Variants in SYCP2 observed in about 807,000 individuals in gnomAD.
SYCP2 encodes the protein synaptonemal complex lateral element protein.
Under a neutral mutation model 211.3 loss-of-function variants are expected in SYCP2, and 55 were observed. That is an observed-to-expected ratio of 0.26 (90% CI 0.21 to 0.33). The LOEUF (loss-of-function observed/expected upper bound fraction) is 0.33, where lower values mean the gene tolerates loss of function less well. SYCP2 is among the 10% of genes least tolerant of loss of function. The pLI is 1.00. For synonymous variants in SYCP2, 570 were observed against 555.2 expected, an observed-to-expected ratio of 1.03 and a Z score of -0.37; for missense variants, 1,731 against 1,752.0, an observed-to-expected ratio of 0.99 and a Z score of 0.21.
intron 20 of SYCP2, among the ~76,000 whole-genome samples, chr20:59,894,970 C>T (rs2059979143): frequency 6.6e-6 from 1 of 152,082 alleles, no homozygotes; most frequent in African/African-American, 2.4e-5. Context: ...TCTTCACCCT[C>T]ACCTCTAGCT....
intron 33 of SYCP2, among the ~76,000 whole-genome samples, chr20:59,876,361 CTG>C (rs1343905224): frequency 3.2e-5 from 2 of 63,470 alleles, no homozygotes; most frequent in African/African-American, 1.1e-4. Flanking sequence ...CAAAGCGAGG[CTG>C]TGTCTCAAAA....
chr20:59,922,269 G>T, intron 3 of SYCP2, 121 bp downstream of exon 3: 2 of 849,436 alleles, frequency 2.4e-6, no homozygotes, highest in Non-Finnish European at 3.6e-6. Context: ...AACTATTCTT[G>T]ACCATTTCAT....
intron 2 of SYCP2, among the ~76,000 whole-genome samples, chr20:59,925,204 C>T (rs965903326): frequency 6.6e-6 from 1 of 152,030 alleles, no homozygotes; most frequent in African/African-American, 2.4e-5. Flanking sequence ...ACAACACACA[C>T]TGGTGCCTGG....
chr20:59,868,651 G>C, intron 37 of SYCP2, 83 bp from the exon 38 acceptor site: 1 of 1,424,920 alleles, frequency 7.0e-7, no homozygotes, highest in East Asian at 2.4e-5. Flanking sequence ...TTTTAAAAAG[G>C]CTTTGTTTCC....
intron 44 of SYCP2, 112 bp downstream of exon 44, chr20:59,865,254 TAAAAGTAATTGGGCTAAAACTA>T: frequency 1.5e-6 from 1 of 668,320 alleles, no homozygotes; most frequent in South Asian, 2.1e-5. Flanking sequence ...TTTAAAGAAC[TAAAAGTAATTGGGCTAAAACTA>T]TTTTCTCTCA....
intron 4 of SYCP2, 47 bp from the exon 5 acceptor site, chr20:59,920,534 A>G (rs1318212900): frequency 7.0e-6 from 10 of 1,423,556 alleles, no homozygotes; most frequent in Non-Finnish European, 9.8e-6. Flanking sequence ...ACAAAACAGT[A>G]TGAAATAGAC....
rs747573136 is a variant in SYCP2, at chr20:59,869,762, G to C, written c.3741+36C>G. 6 of 1,346,366 alleles carry C rather than the reference G, an allele frequency of 4.5e-6. No individual in the cohort carries two copies. In the Admixed American group the frequency reaches 7.3e-5, roughly 16 times the overall value. The allele number at this position is 1,346,366 out of a possible 1,614,324, so 83.4% of individuals were successfully genotyped here. ...TGAGTCTTATAAGAACCATCTTAGTGTAAGGAAAATTTATAAGTTATAGTC... is the reference window on the plus strand; with the variant it reads ...TGAGTCTTATAAGAACCATCTTAGTCTAAGGAAAATTTATAAGTTATAGTC... On this transcript the variant is annotated intron_variant, in intron 36 of 44. Transcript: ENST00000357552.
intron 31 of SYCP2, among the ~76,000 whole-genome samples, chr20:59,879,258 G>A (rs951346488): frequency 1.3e-4 from 20 of 151,906 alleles, no homozygotes; most frequent in African/African-American, 3.4e-4. Flanking sequence ...CTTCAATACT[G>A]CATTCCCTGA....
In SYCP2 at chr20:59,867,821, T is replaced by C. The variant is rs1467510597; in HGVS notation, c.4015A>G (p.Thr1339Ala). 1.2e-6 allele frequency: 2 copies of C among 1,608,592 alleles called. No homozygotes were observed. The highest frequency in any genetic ancestry group is 1.7e-6 in the Non-Finnish European group (2 of 1,176,452). ...KMSESVSSLS[T>A]NDFSIPWETW... ...TCCCAAGGAATAGAAAAGTCATTTG[T>C]TGATAATGAAGATACACTTTCAGAC... The change falls in exon 39 of 45, where the codon ACA becomes GCA. Residue 1339 changes from threonine to alanine, a missense_variant. By Grantham distance (58) the Thr-to-Ala change is moderately conservative. Coordinates refer to ENST00000357552, the MANE Select transcript of SYCP2 (RefSeq NM_014258.4).
intron 26 of SYCP2, among the ~76,000 whole-genome samples, chr20:59,883,210 A>G (rs1474529330): frequency 6.6e-6 from 1 of 151,988 alleles, no homozygotes; most frequent in Non-Finnish European, 1.5e-5. Context: ...TTAGCTGAGC[A>G]TGGTGGCATG....
chr20:59,904,287 G>A (rs1476559420), intron 15 of SYCP2, among the ~76,000 whole-genome samples: 1 of 152,048 alleles, frequency 6.6e-6, no homozygotes, highest in Non-Finnish European at 1.5e-5. Flanking sequence ...CAAAATATCT[G>A]CCAGATTTTG....
chr20:59,909,407 T>G (rs575315320), intron 14 of SYCP2, among the ~76,000 whole-genome samples: 1 of 152,326 alleles, frequency 6.6e-6, no homozygotes, highest in East Asian at 1.9e-4. Flanking sequence ...TGCCCATCGT[T>G]ATATCTCAAA....
At chr20:59,866,225 T>A in intron 41 of SYCP2, 68 bp downstream of exon 41, 1 of 1,052,620 alleles carries the variant, frequency 9.5e-7, no homozygotes, top group Non-Finnish European at 1.4e-6. Context: ...AAAAAGAAAG[T>A]TTTTCCAAGT....
rs1380887720 is a variant in SYCP2, at chr20:59,911,736, C to A, written c.972+14G>T. The A allele has an allele frequency of 2.2e-6, 3 of 1,385,360 alleles. No homozygotes were observed. Among genetic ancestry groups the A allele is most frequent in the South Asian group, 1.3e-5 (1 of 74,192 alleles). The allele number at this position is 1,385,360 out of a possible 1,614,324, so 85.8% of individuals were successfully genotyped here. A position where few individuals can be genotyped will look rare whatever the true frequency, so the allele number is the denominator to read the frequency against. ...CATATACATAAAGAATAATACCAAC[C>A]AAATTAAACTTACATCATTATCTCC... On this transcript the variant is annotated intron_variant, in intron 14 of 44. Transcript: ENST00000357552.
chr20:59,864,120 G>A lies in SYCP2; in HGVS notation c.*191C>T, dbSNP rs368794678. ...AATATTGTATAGACAGAAGTCTTCTGGGCTTGGACTCATGTTATAGTGGTT... is the reference window on the plus strand; with the variant it reads ...AATATTGTATAGACAGAAGTCTTCTAGGCTTGGACTCATGTTATAGTGGTT... On this transcript the variant is annotated 3_prime_UTR_variant, in exon 45 of 45. Transcript: ENST00000357552. 1 of 385,866 alleles carries A rather than the reference G, an allele frequency of 2.6e-6. No homozygotes were observed. Among genetic ancestry groups the A allele is most frequent in the East Asian group, 4.0e-5 (1 of 25,266 alleles). 23.9% of individuals were successfully genotyped at this position (385,866 alleles called of 1,614,324 possible). A position where few individuals can be genotyped will look rare whatever the true frequency, so the allele number is the denominator to read the frequency against.
chr20:59,913,466 T>C (rs1205370730), intron 12 of SYCP2, among the ~76,000 whole-genome samples: 1 of 152,146 alleles, frequency 6.6e-6, no homozygotes, highest in Non-Finnish European at 1.5e-5. Flanking sequence ...TTTTCTGTCG[T>C]TATAAAAAAA....
Position 59,900,299 on chromosome 20 carries a change from G to GAA in SYCP2, c.1258-17_1258-16dup. 6.4e-7 allele frequency: 1 copy of GAA among 1,551,090 alleles called. No individual in the cohort carries two copies. Among genetic ancestry groups the GAA allele is most frequent in the Non-Finnish European group, 8.7e-7 (1 of 1,154,498 alleles). On this transcript the variant is annotated splice_polypyrimidine_tract_variant and intron_variant, in intron 17 of 44. Coordinates refer to ENST00000357552, the MANE Select transcript of SYCP2 (RefSeq NM_014258.4). ...GGCACTAGAATCTGTTGGAGAATAT[G>GAA]AAAAAAAAAGTATTTAAAACTGCAA...
intron 21 of SYCP2, 58 bp downstream of exon 21, chr20:59,893,466 G>T: frequency 9.1e-7 from 1 of 1,093,700 alleles, no homozygotes; most frequent in South Asian, 1.4e-5. Flanking sequence ...TGGTAATACA[G>T]GGAGAAGTAT....
At chr20:59,899,831 T>C (rs928490812) in intron 18 of SYCP2, among the ~76,000 whole-genome samples, 2 of 152,176 alleles carry the variant, frequency 1.3e-5, no homozygotes, top group African/African-American at 4.8e-5. Context: ...TACATTTCTA[T>C]TCTACATTAT....
Sources: gnomAD v4.1 joint callset for allele counts (sites outside exome capture counted in the v4.1 genomes callset) on GRCh38, gnomAD v4.1.1 for gene constraint, MANE v1.5 for transcripts, NCBI Gene and HGNC (gene_info 2026-07-23, HGNC 2026-07-21) for gene names.